The following TRABD2B variants were observed in gnomAD, a reference collection of about 807,000 sequenced individuals.
The protein encoded by TRABD2B is TraB domain containing 2B.
TRABD2B carries 14 observed loss-of-function variants against 40.1 expected under a neutral mutation model. That is an observed-to-expected ratio of 0.35 (90% CI 0.23 to 0.55). The LOEUF (loss-of-function observed/expected upper bound fraction) is 0.55, where lower values mean the gene tolerates loss of function less well. Among genes scored for constraint, TRABD2B ranks in the 20% least tolerant of loss-of-function variants. TRABD2B has a pLI of 0.90. For missense variants in TRABD2B, 541 were observed against 648.6 expected (o/e 0.83, Z 1.80); for synonymous variants, 263 against 277.0 (o/e 0.95, Z 0.50).
chr1:47,976,918 C>G (rs953988548), intron 2 of TRABD2B, among the ~76,000 whole-genome samples: 1 of 152,098 alleles, frequency 6.6e-6, no homozygotes, highest in Non-Finnish European at 1.5e-5. Flanking sequence ...GTGGTAACAC[C>G]TTACATAACT....
intron 2 of TRABD2B, among the ~76,000 whole-genome samples, chr1:47,926,991 C>T (rs188929572): frequency 4.7e-4 from 71 of 152,336 alleles, no homozygotes; most frequent in East Asian, 3.3e-3. Context: ...CATCTATACA[C>T]AGGCACTATG....
chr1:47,807,291 C>G (rs1020661122), intron 2 of TRABD2B, among the ~76,000 whole-genome samples: 2 of 152,086 alleles, frequency 1.3e-5, no homozygotes, highest in Non-Finnish European at 2.9e-5. Flanking sequence ...GATTGCCACC[C>G]CAGTGGAGGT....
chr1:47,877,555 T>C (rs1400988188), intron 2 of TRABD2B, among the ~76,000 whole-genome samples: 1 of 152,152 alleles, frequency 6.6e-6, no homozygotes, highest in African/African-American at 2.4e-5. Context: ...CCATCTCTAT[T>C]AAAAACCTTA....
At chr1:47,910,385 G>A (rs72692146) in intron 2 of TRABD2B, among the ~76,000 whole-genome samples, 37,877 of 152,070 alleles carry the variant, frequency 0.25, 4,779 homozygotes, top group Admixed American at 0.28. Context: ...GCCAGGATCA[G>A]GGACTCCTCC....
At chr1:47,848,438 G>A (rs1428876351) in intron 2 of TRABD2B, among the ~76,000 whole-genome samples, 1 of 152,152 alleles carries the variant, frequency 6.6e-6, no homozygotes. Context: ...GGCAGAACTA[G>A]ACCCTGCTCA....
chr1:47,914,485 T>A (rs1439066759), intron 2 of TRABD2B, among the ~76,000 whole-genome samples: 1 of 152,200 alleles, frequency 6.6e-6, no homozygotes, highest in African/African-American at 2.4e-5. Context: ...AGGGAGGGGC[T>A]GCTGGAATGA....
intron 2 of TRABD2B, among the ~76,000 whole-genome samples, chr1:47,854,378 G>A (rs1256794262): frequency 6.6e-6 from 1 of 152,160 alleles, no homozygotes; most frequent in East Asian, 1.9e-4. Flanking sequence ...GTCTGGTTCT[G>A]TTTTGATCAG....
intron 2 of TRABD2B, among the ~76,000 whole-genome samples, chr1:47,841,447 A>T (rs997343344): frequency 9.9e-5 from 15 of 152,280 alleles, no homozygotes; most frequent in Admixed American, 9.8e-4. Flanking sequence ...CTGAACTGTC[A>T]CACAACCCAC....
chr1:47,957,333 C>A lies in TRABD2B; in HGVS notation c.666+36701G>T, dbSNP rs1403759461. Among the ~76,000 whole-genome samples, 3 of 152,156 alleles carry A rather than the reference C, an allele frequency of 2.0e-5. 1 individual carries two copies. The highest frequency in any genetic ancestry group is 2.0e-4 in the Admixed American group (3 of 15,274). On this transcript the variant is annotated intron_variant, in intron 2 of 6. Coordinates refer to ENST00000606738, the MANE Select transcript of TRABD2B (RefSeq NM_001194986.2). ...CCAAAGAAACGCAGCTCCTCACCAGCAACAGAACAAAGCTGGATGGAGAAT... is the reference window on the plus strand; with the variant it reads ...CCAAAGAAACGCAGCTCCTCACCAGAAACAGAACAAAGCTGGATGGAGAAT...
chr1:47,966,800 G>A (rs1368845797), intron 2 of TRABD2B, among the ~76,000 whole-genome samples: 1 of 151,948 alleles, frequency 6.6e-6, no homozygotes, highest in East Asian at 1.9e-4. Context: ...AGCTACCTGG[G>A]AGGCTGATGC....
In TRABD2B at chr1:47,797,197, T is replaced by G. The variant is rs1644760405; in HGVS notation, c.814-2437A>C. 2.6e-5 allele frequency among the ~76,000 whole-genome samples: 4 copies of G among 152,156 alleles called. No individual in the cohort carries two copies. In the South Asian group the frequency reaches 8.3e-4, roughly 32 times the overall value. On this transcript the variant is annotated intron_variant, in intron 3 of 6. Coordinates refer to ENST00000606738, the MANE Select transcript of TRABD2B (RefSeq NM_001194986.2). ...AGACTAAGTTTCCAAATTGGTAACA[T>G]GGGGGTAACACACATTATTGTAGGG...
At chr1:47,825,743 G>A (rs1244002023) in intron 2 of TRABD2B, among the ~76,000 whole-genome samples, 1 of 152,174 alleles carries the variant, frequency 6.6e-6, no homozygotes, top group Admixed American at 6.5e-5. Context: ...CCTCAGGGTG[G>A]GCACTGAGCC....
intron 2 of TRABD2B, among the ~76,000 whole-genome samples, chr1:47,868,457 C>T (rs776588987): frequency 2.0e-5 from 3 of 152,118 alleles, no homozygotes; most frequent in Non-Finnish European, 2.9e-5. Flanking sequence ...CCATGGCCTG[C>T]GAGGAACTGG....
At chr1:47,911,178 C>G (rs763185000) in intron 2 of TRABD2B, among the ~76,000 whole-genome samples, 1 of 152,152 alleles carries the variant, frequency 6.6e-6, no homozygotes, top group Non-Finnish European at 1.5e-5. Context: ...CTTCTAACAG[C>G]CTTATAGGGT....
chr1:47,824,571 G>A (rs1335755523), intron 2 of TRABD2B, among the ~76,000 whole-genome samples: 1 of 152,314 alleles, frequency 6.6e-6, no homozygotes, highest in African/African-American at 2.4e-5. Context: ...ACCCATGTCT[G>A]CCTGACTTCA....
chr1:47,805,862 A>G (rs1009558723), intron 2 of TRABD2B, among the ~76,000 whole-genome samples: 1 of 152,064 alleles, frequency 6.6e-6, no homozygotes, highest in Non-Finnish European at 1.5e-5. Flanking sequence ...TACCTTGCCA[A>G]AGGTGACAAA....
intron 2 of TRABD2B, among the ~76,000 whole-genome samples, chr1:47,911,486 G>A (rs1186457513): frequency 1.3e-5 from 2 of 152,220 alleles, no homozygotes; most frequent in South Asian, 2.1e-4. Context: ...AGAACAGGCC[G>A]AAGAACTCCT....
intron 2 of TRABD2B, among the ~76,000 whole-genome samples, chr1:47,833,840 A>G (rs1428964671): frequency 6.6e-6 from 1 of 152,250 alleles, no homozygotes; most frequent in Non-Finnish European, 1.5e-5. Context: ...TCATAAAGCA[A>G]CAAGAACACA....
chr1:47,770,589 C>T (rs1644365279), intron 6 of TRABD2B, among the ~76,000 whole-genome samples: 1 of 152,332 alleles, frequency 6.6e-6, no homozygotes, highest in Admixed American at 6.5e-5. Context: ...ACGGGACTTA[C>T]CAAGATCACT....
Sources: allele counts gnomAD v4.1 joint callset (sites outside exome capture counted in the v4.1 genomes callset), GRCh38; gene constraint gnomAD v4.1.1; transcripts MANE v1.5; gene names NCBI Gene and HGNC (gene_info 2026-07-23, HGNC 2026-07-21).